Variants in SNIP1 observed in about 807,000 individuals in gnomAD.
SNIP1 encodes smad nuclear-interacting protein 1.
Under a neutral mutation model 37.4 loss-of-function variants are expected in SNIP1, and 23 were observed. The ratio of observed to expected loss-of-function variants is 0.61; its 90% CI spans 0.44 to 0.87. The LOEUF is 0.87. SNIP1 is among the 40% of genes least tolerant of loss of function. The probability of loss-of-function intolerance (pLI) is 0.00; values close to 1 mark genes in which losing one functional copy is unlikely to be tolerated. For synonymous variants in SNIP1, 174 were observed against 200.0 expected, an observed-to-expected ratio of 0.87 and a Z score of 1.10; for missense variants, 459 against 540.4, an observed-to-expected ratio of 0.85 and a Z score of 1.49.
intron 2 of SNIP1, among the ~76,000 whole-genome samples, chr1:37,550,519 C>A (rs981866025): frequency 6.6e-6 from 1 of 150,692 alleles, no homozygotes; most frequent in Admixed American, 6.6e-5. Flanking sequence ...CCAGCCTGGT[C>A]AAAATGACGA....
intron 3 of SNIP1, among the ~76,000 whole-genome samples, chr1:37,538,862 G>A (rs1643132967): frequency 6.6e-6 from 1 of 152,014 alleles, no homozygotes; most frequent in Non-Finnish European, 1.5e-5. Context: ...CGGGCAAGCA[G>A]GCAAGCGAGC....
At position 37,535,727 on chromosome 1, in the gene SNIP1, G is replaced by C. The variant is rs1189550598; in HGVS notation, c.*2021C>G. 6.6e-6 allele frequency: 1 copy of C among 151,802 alleles called. No homozygotes were observed. Among genetic ancestry groups the C allele is most frequent in the Non-Finnish European group, 1.5e-5 (1 of 68,000 alleles). The allele number at this position is 151,802 out of a possible 1,614,324, so 9.4% of individuals were successfully genotyped here. ...CCAAACAAACCTACTTTTCAGACAA[G>C]CACATATATATGATCTATGGCACAT... is the stretch of plus-strand genomic sequence containing the variant. On this transcript the variant is annotated 3_prime_UTR_variant, in exon 4 of 4. Coordinates refer to ENST00000296215, the MANE Select transcript of SNIP1 (RefSeq NM_024700.4).
At chr1:37,548,929 T>G (rs887595500) in intron 2 of SNIP1, 1 of 152,290 alleles carries the variant, frequency 6.6e-6, no homozygotes, top group African/African-American at 2.4e-5. Flanking sequence ...CCATTAAACC[T>G]CTTTCTTTTG....
At chr1:37,549,415 A>C (rs1241686288) in intron 2 of SNIP1, among the ~76,000 whole-genome samples, 1 of 152,090 alleles carries the variant, frequency 6.6e-6, no homozygotes, top group Non-Finnish European at 1.5e-5. Flanking sequence ...AAATCCTAGC[A>C]AGACTTTTCT....
rs1237235034 is a variant in SNIP1 at position 37,540,527 on chromosome 1, G to A, written c.556C>T (p.Arg186Ter). Residue 186 changes from arginine (R) to a stop codon, truncating the protein, a stop_gained, in exon 3 of 4, where the codon CGA (arginine) becomes TGA (stop). Transcript: ENST00000296215. LOFTEE classifies it high-confidence loss of function. The surrounding 1 kb of genome is among the most constrained non-coding windows in gnomAD (Gnocchi z 5.6). ...TCATTCCTCTGGCGATGCTCCCGTC[G>A]CCTGGCATTATAAAACTCCCGCTCT... ...EEEREFYNARRREHRQRNDVG... is the reference protein window; with the variant it reads ...EEEREFYNAR 1.1e-5 allele frequency: 17 copies of A among 1,613,860 alleles called. No homozygotes were observed. The highest frequency in any genetic ancestry group is 2.7e-5 in the African/African-American group (2 of 74,824).
chr1:37,539,934 C>T (rs1643150419), intron 3 of SNIP1, among the ~76,000 whole-genome samples: 1 of 152,126 alleles, frequency 6.6e-6, no homozygotes, highest in South Asian at 2.1e-4. Context: ...GACTGGGTGA[C>T]AGAGTGAGAC....
intron 3 of SNIP1, among the ~76,000 whole-genome samples, chr1:37,539,259 A>T (rs528814542): frequency 6.6e-6 from 1 of 152,356 alleles, no homozygotes; most frequent in South Asian, 2.1e-4. Context: ...GTCTTCCATG[A>T]AACTGGTCCT....
rs1345335145 is a variant in SNIP1 at position 37,554,114 on chromosome 1, G to A, written c.116C>T (p.Ala39Val). The A allele has an allele frequency of 1.9e-6, 3 of 1,612,584 alleles. No individual in the cohort carries two copies. Among genetic ancestry groups the A allele is most frequent in the Non-Finnish European group, 2.5e-6 (3 of 1,179,546 alleles). The change falls in exon 1 of 4, where the codon GCA (alanine) becomes GTA (valine). Residue 39 changes from alanine to valine, a missense_variant. By Grantham distance (64) the Ala-to-Val change is moderately conservative (BLOSUM62 0). Coordinates refer to ENST00000296215, the MANE Select transcript of SNIP1 (RefSeq NM_024700.4). ...VKQERLSPEV[A>V]PPAHRRPDHS... is the part of the protein sequence containing the mutation. Reference sequence around the variant, plus strand: ...GTCCGGACGGCGGTGGGCGGGAGGTGCGACTTCTGGGCTGAGACGCTCCTG... The same window carrying A: ...GTCCGGACGGCGGTGGGCGGGAGGTACGACTTCTGGGCTGAGACGCTCCTG...
chr1:37,539,709 A>T (rs1178471863), intron 3 of SNIP1, among the ~76,000 whole-genome samples: 1 of 152,188 alleles, frequency 6.6e-6, no homozygotes, highest in Non-Finnish European at 1.5e-5. Context: ...ACTCCGTCTC[A>T]AAAAACAAAA....
At chr1:37,545,734 G>A (rs376218998) in intron 2 of SNIP1, among the ~76,000 whole-genome samples, 16 of 152,156 alleles carry the variant, frequency 1.1e-4, no homozygotes, top group Admixed American at 8.5e-4. Flanking sequence ...GAGGCGGGTG[G>A]ATCACTTGCG....
At chr1:37,544,636 C>G (rs530265741) in intron 2 of SNIP1, 5 of 477,414 alleles carry the variant, frequency 1.0e-5, no homozygotes, top group African/African-American at 2.0e-5. Context: ...ACTCGTACCC[C>G]ACTCCGGCTG....
rs1016602684 is a variant in SNIP1 at position 37,551,039 on chromosome 1, G to A, written c.327+1606C>T. Among the ~76,000 whole-genome samples, 7 of 150,218 alleles carry A rather than the reference G, an allele frequency of 4.7e-5. No homozygotes were observed. In the Admixed American group the frequency reaches 4.7e-4, roughly 10 times the overall value. On this transcript the variant is annotated intron_variant, in intron 2 of 3. Coordinates refer to ENST00000296215, the MANE Select transcript of SNIP1 (RefSeq NM_024700.4). ...GAACCTGGGAAGGGGAGATTGCAGT[G>A]AGCCAAGATCACGCCATTGCACTCC...
chr1:37,554,263 C>G lies in SNIP1; in HGVS notation c.-34G>C, dbSNP rs979409994. On this transcript the variant is annotated 5_prime_UTR_variant, in exon 1 of 4. Coordinates refer to ENST00000296215, the MANE Select transcript of SNIP1 (RefSeq NM_024700.4). Reference sequence around the variant, plus strand: ...TTTGGCTGGGCGAAAGAAAACAGATCAGTTGAGCTCCTCTAGCTGGAGGAA... The same window carrying G: ...TTTGGCTGGGCGAAAGAAAACAGATGAGTTGAGCTCCTCTAGCTGGAGGAA... The G allele has an allele frequency of 4.5e-6, 7 of 1,560,324 alleles. No homozygotes were observed. Among genetic ancestry groups the G allele is most frequent in the Non-Finnish European group, 6.1e-6 (7 of 1,148,928 alleles).
Position 37,540,679 on chromosome 1 carries a change from G to C in SNIP1, c.404C>G (p.Ala135Gly). The C allele has an allele frequency of 6.2e-7, 1 of 1,614,036 alleles. No homozygotes were observed. Among genetic ancestry groups the C allele is most frequent in the South Asian group, 1.1e-5 (1 of 91,082 alleles). The change falls in exon 3 of 4, where the codon GCT becomes GGT. Residue 135 changes from alanine to glycine, a missense_variant. By Grantham distance (60) the Ala-to-Gly change is moderately conservative (BLOSUM62 0). Transcript: ENST00000296215. The surrounding 1 kb of genome is among the most constrained non-coding windows in gnomAD (Gnocchi z 5.6). ...REPSEQEHRRARNSDRDRHRG... is the reference protein window; with the variant it reads ...REPSEQEHRRGRNSDRDRHRG... The stretch of plus-strand genomic sequence containing the variant: ...GTGTCTGTCCCGGTCACTGTTCCTA[G>C]CTCTCCTGTGTTCCTGTTCTGATGG...
chr1:37,543,883 G>A (rs1333703124), intron 2 of SNIP1, among the ~76,000 whole-genome samples: 1 of 151,794 alleles, frequency 6.6e-6, no homozygotes, highest in African/African-American at 2.4e-5. Flanking sequence ...GCTCACGCCT[G>A]TAATCCCAGC....
At chr1:37,538,508 C>CAAA (rs35905865) in intron 3 of SNIP1, among the ~76,000 whole-genome samples, 50 of 57,776 alleles carry the variant, frequency 8.7e-4, no homozygotes, top group Non-Finnish European at 1.1e-3. Flanking sequence ...GACTCTGTCT[C>CAAA]AAAAAAAAAA....
chr1:37,548,207 A>AAAATCTGTGAATATCCTT (rs1251236494), intron 2 of SNIP1, among the ~76,000 whole-genome samples: 1 of 151,956 alleles, frequency 6.6e-6, no homozygotes, highest in Non-Finnish European at 1.5e-5. Flanking sequence ...TCCTTATATA[A>AAAATCTGTGAATATCCTT]AAATCTGTGA....
chr1:37,536,429 C>T lies in SNIP1; in HGVS notation c.*1319G>A, dbSNP rs1432401544. ...TAACCTGCCCCACAACACTCTAAAA[C>T]AGCTACCTACTTTTATCTCAAAAGT... On this transcript the variant is annotated 3_prime_UTR_variant, in exon 4 of 4. Transcript: ENST00000296215. The T allele has an allele frequency of 2.0e-5, 3 of 152,242 alleles. No homozygotes were observed. The highest frequency in any genetic ancestry group is 2.1e-4 in the South Asian group (1 of 4,832). The allele number at this position is 152,242 out of a possible 1,614,324, so 9.4% of individuals were successfully genotyped here.
rs1335773152 is a variant in SNIP1 at position 37,540,790 on chromosome 1, G to A, written c.328-35C>T. ...AAACAGATTCTGTAATTTAAACGCA[G>A]TGCACAATCTAAAGGCAGCCCAAAT... On this transcript the variant is annotated intron_variant, in intron 2 of 3. Transcript: ENST00000296215. The surrounding 1 kb of genome is among the most constrained non-coding windows in gnomAD (Gnocchi z 5.6). 5 of 1,538,068 alleles carry A rather than the reference G, an allele frequency of 3.3e-6. No individual in the cohort carries two copies. Among genetic ancestry groups the A allele is most frequent in the Non-Finnish European group, 4.4e-6 (5 of 1,142,434 alleles).
Sources: allele counts gnomAD v4.1 joint callset (sites outside exome capture counted in the v4.1 genomes callset), GRCh38; gene constraint gnomAD v4.1.1; non-coding constraint Gnocchi (gnomAD v3.1); transcripts MANE v1.5; gene names NCBI Gene and HGNC (gene_info 2026-07-23, HGNC 2026-07-21).